ABCA2: variants seen among roughly 807,000 people sequenced by gnomAD.
ABCA2 encodes ATP binding cassette subfamily A member 2, also known as ATP-binding cassette sub-family A member 2.
ABCA2 carries 84 observed loss-of-function variants against 262.8 expected under a neutral mutation model. The ratio of observed to expected loss-of-function variants is 0.32; its 90% CI spans 0.27 to 0.38. ABCA2 has a LOEUF of 0.38. Among genes scored for constraint, ABCA2 ranks in the 10% least tolerant of loss-of-function variants. The probability of loss-of-function intolerance (pLI) is 1.00; values close to 1 mark genes in which losing one functional copy is unlikely to be tolerated. For missense variants in ABCA2, 2,662 were observed against 3,405.9 expected (o/e 0.78, Z 5.44); for synonymous variants, 1,696 against 1,502.9 (o/e 1.13, Z -2.97).
Position 137,011,087 on chromosome 9 carries a change from T to C in ABCA2, c.5942A>G (p.Lys1981Arg). ...GACAATGTCCCACTCGAACGGGGAC[T>C]TCATCTTGTCAAACTGGCCTGCGGG... Reference protein sequence around the residue: ...YAKIGQFDKMKSPFEWDIVTR... With the variant: ...YAKIGQFDKMRSPFEWDIVTR... Residue 1981 changes from lysine to arginine, a missense_variant, in exon 39 of 49, where the codon AAG becomes AGG. Coordinates refer to ENST00000341511, the MANE Select transcript of ABCA2 (RefSeq NM_001606.5). This position sits in a 1 kb window ranked among gnomAD's most constrained non-coding sequence, Gnocchi z 8.8. 6.2e-7 allele frequency: 1 copy of C among 1,612,072 alleles called. No individual in the cohort carries two copies. The highest frequency in any genetic ancestry group is 8.5e-7 in the Non-Finnish European group (1 of 1,179,722).
At position 137,011,271 on chromosome 9, in the gene ABCA2, G is replaced by A. The variant is rs368857278; in HGVS notation, c.5838C>T (p.Phe1946=). The change falls in exon 38 of 49, where the codon TTC becomes TTT. Residue 1946 remains phenylalanine (F), a synonymous_variant. Coordinates refer to ENST00000341511, the MANE Select transcript of ABCA2 (RefSeq NM_001606.5). This position sits in a 1 kb window ranked among gnomAD's most constrained non-coding sequence, Gnocchi z 8.8. ...KVVNSYLKSC[F]LIFPNYNLGH... ...CCAGGTTGTAGTTGGGGAAAATGAG[G>A]AAGCAGCTTTTCAGGTAACTGTTGA... 81 of 1,612,412 alleles carry A rather than the reference G, an allele frequency of 5.0e-5. No homozygotes were observed. The highest frequency in any genetic ancestry group is 6.5e-5 in the Non-Finnish European group (77 of 1,179,844).
rs758222487 is a variant in ABCA2, at chr9:137,016,485, G to A, written c.2924-14C>T. The A allele has an allele frequency of 1.2e-6, 2 of 1,612,702 alleles. No homozygotes were observed. The highest frequency in any genetic ancestry group is 1.1e-5 in the South Asian group (1 of 91,090). The stretch of plus-strand genomic sequence containing the variant: ...CACGGGTCTCCTCTGCACCAGGGCT[G>A]TGGATCAGCAGGGTGGGGGCGGCGC... On this transcript the variant is annotated splice_polypyrimidine_tract_variant and intron_variant, in intron 20 of 48. Transcript: ENST00000341511.
At position 137,008,880 on chromosome 9, in the gene ABCA2, G is replaced by A. The variant is rs1374153525; in HGVS notation, c.6931-12C>T. The A allele has an allele frequency of 6.2e-7, 1 of 1,603,384 alleles. No homozygotes were observed. Among genetic ancestry groups the A allele is most frequent in the South Asian group, 1.1e-5 (1 of 90,752 alleles). On this transcript the variant is annotated splice_polypyrimidine_tract_variant and intron_variant, in intron 46 of 48. Transcript: ENST00000341511. The stretch of plus-strand genomic sequence containing the variant: ...GTGTGGTGCCGCTCCTGCAGGGGGG[G>A]AGGTCAGAGGCCTGGCAGCGCCCCC...
upstream of ABCA2, chr9:137,028,360 G>A: frequency 3.7e-6 from 3 of 819,788 alleles, no homozygotes; most frequent in Non-Finnish European, 4.4e-6. The surrounding 1 kb of genome is among the most constrained non-coding windows in gnomAD (Gnocchi z 6.9). Context: ...CTCCGTCCGC[G>A]CCCGCCAGGA....
Position 137,011,956 on chromosome 9 carries a change from G to T in ABCA2, c.5423C>A (p.Ala1808Asp). The change falls in exon 35 of 49, where the codon GCC becomes GAC. Residue 1808 changes from alanine (A) to aspartate (D), a missense_variant. Around this residue, in one of 12 missense-constraint regions of ABCA2, gnomAD observed 602 missense variants for 897.4 expected, o/e 0.67. Coordinates refer to ENST00000341511, the MANE Select transcript of ABCA2 (RefSeq NM_001606.5). This position sits in a 1 kb window ranked among gnomAD's most constrained non-coding sequence, Gnocchi z 8.8. ...FIIVAMSFVP[A>D]SFVVFLVAEK... is the part of the protein sequence containing the mutation. ...GGCCACGAGGAAGACAACGAAGCTG[G>T]CCGGCACGAAGGACATGGCCACGAT... The T allele has an allele frequency of 6.2e-7, 1 of 1,612,714 alleles. No homozygotes were observed. Among genetic ancestry groups the T allele is most frequent in the Non-Finnish European group, 8.5e-7 (1 of 1,179,968 alleles).
intron 40 of ABCA2, 104 bp downstream of exon 40, chr9:137,010,516 G>T: frequency 7.1e-7 from 1 of 1,405,082 alleles, no homozygotes; most frequent in Non-Finnish European, 9.7e-7. Context: ...CACCCCCAGA[G>T]CTCAGGGCCC....
chr9:137,007,937 G>GC lies in ABCA2; in HGVS notation c.7302dup (p.Leu2435AlafsTer16). ...GGCCCAGCTCTGGGTGGTCAGCAGA[G>GC]CGTGTCCGTGTTGAAGGACAGCTGG... On this transcript the variant is annotated frameshift_variant, in exon 49 of 49. Transcript: ENST00000341511. LOFTEE classifies it high-confidence loss of function. 6.2e-7 allele frequency: 1 copy of GC among 1,605,848 alleles called. No homozygotes were observed. Among genetic ancestry groups the GC allele is most frequent in the Non-Finnish European group, 8.5e-7 (1 of 1,179,894 alleles).
chr9:137,021,006 C>T lies in ABCA2; in HGVS notation c.953G>A (p.Arg318Gln), dbSNP rs113211392. The T allele has an allele frequency of 1.8e-5, 27 of 1,497,218 alleles. No individual in the cohort carries two copies. Among genetic ancestry groups the T allele is most frequent in the South Asian group, 2.6e-5 (2 of 75,978 alleles). The allele number at this position is 1,497,218 out of a possible 1,614,324, so 92.7% of individuals were successfully genotyped here. ...GTCCCCCAGAAGCGCCTGCAGCCTCCGTGGGGGTGGCGCCTGTGGCGAGGA... is the reference window on the plus strand; with the variant it reads ...GTCCCCCAGAAGCGCCTGCAGCCTCTGTGGGGGTGGCGCCTGTGGCGAGGA... ...SDSSPQAPPP[R>Q]RLQALLGDLL... Residue 318 changes from arginine to glutamine, a missense_variant, in exon 9 of 49, where the codon CGG becomes CAG. Arg to Gln is a conservative substitution (Grantham distance 43). Transcript: ENST00000341511. The surrounding 1 kb of genome is among the most constrained non-coding windows in gnomAD (Gnocchi z 6.0).
intron 21 of ABCA2, 47 bp from the exon 22 acceptor site, chr9:137,016,221 C>A: frequency 6.2e-7 from 1 of 1,610,836 alleles, no homozygotes; most frequent in African/African-American, 1.3e-5. Context: ...TGCAGGGGCC[C>A]CACCCTGCCC....
At position 137,021,091 on chromosome 9, in the gene ABCA2, G is replaced by A. The variant is rs138690346; in HGVS notation, c.898-30C>T. 5.2e-4 allele frequency: 755 copies of A among 1,456,082 alleles called. 1 individual carries two copies. The highest frequency in any genetic ancestry group is 3.0e-4 in the East Asian group (12 of 40,606). 90.2% of individuals were successfully genotyped at this position (1,456,082 alleles called of 1,614,324 possible). ...GGGGAAACAGGCACGTGGGCAGTGC[G>A]GGGTGAGATGGACTGCAGGTGGGTG... is the stretch of plus-strand genomic sequence containing the variant. On this transcript the variant is annotated intron_variant, in intron 8 of 48. Coordinates refer to ENST00000341511, the MANE Select transcript of ABCA2 (RefSeq NM_001606.5). This position sits in a 1 kb window ranked among gnomAD's most constrained non-coding sequence, Gnocchi z 6.0.
rs1831128900 is a variant in ABCA2 at position 137,013,189 on chromosome 9, G to A, written c.4680C>T (p.Ser1560=). Reference sequence around the variant, plus strand: ...CCGCCAGCAGGCGCGACTCCCCGCTGCTCAGGTTCAACGTGGGCCCCAGCG... The same window carrying A: ...CCGCCAGCAGGCGCGACTCCCCGCTACTCAGGTTCAACGTGGGCCCCAGCG... ...NGSLGPTLNL[S]SGESRLLAAR... is the part of the protein sequence containing the mutation. The change falls in exon 30 of 49, where the codon AGC becomes AGT. Residue 1560 remains serine (S), a synonymous_variant. Coordinates refer to ENST00000341511, the MANE Select transcript of ABCA2 (RefSeq NM_001606.5). The A allele has an allele frequency of 1.2e-6, 2 of 1,601,846 alleles. No homozygotes were observed. The highest frequency in any genetic ancestry group is 1.7e-6 in the Non-Finnish European group (2 of 1,176,246).
At position 137,012,553 on chromosome 9, in the gene ABCA2, T is replaced by G. The variant is rs766725181; in HGVS notation, c.5119A>C (p.Ile1707Leu). The stretch of plus-strand genomic sequence containing the variant: ...GCCCTGGTGCCAAATGAGGCTGGGA[T>G]GGACTTCAGGACGTTTCCAAAGGTG... ...AITFGNVLKS[I>L]PASFGTRAPP... Residue 1707 changes from isoleucine to leucine, a missense_variant, in exon 32 of 49, where the codon ATC becomes CTC. Physicochemically the swap from Ile to Leu is conservative, Grantham distance 5. Around this residue, in one of 12 missense-constraint regions of ABCA2, gnomAD observed 602 missense variants for 897.4 expected, o/e 0.67. Transcript: ENST00000341511. 6.2e-7 allele frequency: 1 copy of G among 1,611,980 alleles called. No homozygotes were observed. Among genetic ancestry groups the G allele is most frequent in the Non-Finnish European group, 8.5e-7 (1 of 1,179,884 alleles).
chr9:137,013,441 G>GC lies in ABCA2; in HGVS notation c.4550+19dup. The GC allele has an allele frequency of 6.3e-7, 1 of 1,588,940 alleles. No individual in the cohort carries two copies. The highest frequency in any genetic ancestry group is 8.5e-7 in the Non-Finnish European group (1 of 1,170,298). ...TTCACTCGCCCCACCCACCAAGGCTGCCCCCGCTGGAGGCCTCACCGGTAC... is the reference window on the plus strand; with the variant it reads ...TTCACTCGCCCCACCCACCAAGGCTGCCCCCCGCTGGAGGCCTCACCGGTAC... On this transcript the variant is annotated intron_variant, in intron 29 of 48. Transcript: ENST00000341511.
intron 47 of ABCA2, 43 bp downstream of exon 47, chr9:137,008,688 G>T: frequency 6.4e-7 from 1 of 1,564,626 alleles, no homozygotes; most frequent in East Asian, 2.3e-5. Context: ...GGGCGGGTGA[G>T]GGGAGGGGCA....
At chr9:137,023,612 T>A in intron 3 of ABCA2, 1 of 719,140 alleles carries the variant, frequency 1.4e-6, no homozygotes, top group Non-Finnish European at 2.5e-6. Context: ...CCGCCTCAGC[T>A]TGACCCAGGC....
At chr9:137,022,220 CAG>C in intron 6 of ABCA2, 129 bp downstream of exon 6, 1 of 1,210,084 alleles carries the variant, frequency 8.3e-7, no homozygotes, top group South Asian at 1.8e-5. Flanking sequence ...GGGCGTGGCT[CAG>C]ATGGTGGGGG....
At position 137,018,293 on chromosome 9, in the gene ABCA2, G is replaced by A. The variant is rs1425607651; in HGVS notation, c.1878C>T (p.Ile626=). The change falls in exon 14 of 49, where the codon ATC becomes ATT. Residue 626 remains isoleucine, a synonymous_variant. Transcript: ENST00000341511. ...GSLPPHVHYK[I]RQNSSFTEKT... is the part of the protein sequence containing the mutation. The stretch of plus-strand genomic sequence containing the variant: ...TCTCGGTGAAGCTGGAGTTCTGGCG[G>A]ATCTTGTAGTGCACGTGAGGCGGGA... The A allele has an allele frequency of 1.2e-6, 2 of 1,602,542 alleles. No homozygotes were observed. The highest frequency in any genetic ancestry group is 1.7e-6 in the Non-Finnish European group (2 of 1,175,174).
chr9:137,016,206 C>T (rs1415865333), intron 21 of ABCA2, 32 bp from the exon 22 acceptor site: 3 of 1,611,416 alleles, frequency 1.9e-6, no homozygotes. Flanking sequence ...TGACCCCACG[C>T]CCTCTGCAGG....
Position 137,013,055 on chromosome 9 carries a change from G to T in ABCA2, c.4814C>A (p.Pro1605Gln). 1 of 1,552,604 alleles carries T rather than the reference G, an allele frequency of 6.4e-7. No homozygotes were observed. Residue 1605 changes from proline (P) to glutamine (Q), a missense_variant, in exon 30 of 49, where the codon CCG becomes CAG. Physicochemically the swap from Pro to Gln is moderately conservative, Grantham distance 76. Around this residue, in one of 12 missense-constraint regions of ABCA2, gnomAD observed 192 missense variants for 207.2 expected, o/e 0.93. Transcript: ENST00000341511. Reference sequence around the variant, plus strand: ...GTTCCAGGCCTGCAGGTCCTCATCCGGGGACGCTGGCGAGTCAGATGGGGC... The same window carrying T: ...GTTCCAGGCCTGCAGGTCCTCATCCTGGGACGCTGGCGAGTCAGATGGGGC... ...SPAPSDSPAS[P>Q]DEDLQAWNVS...
Sources: gnomAD v4.1 joint callset for allele counts on GRCh38, gnomAD v4.1.1 for gene constraint, gnomAD v4.1.1 regional missense constraint, Gnocchi (gnomAD v3.1) non-coding constraint, MANE v1.5 for transcripts, NCBI Gene and HGNC (gene_info 2026-07-23, HGNC 2026-07-21) for gene names.